Variants in PPARD observed in about 807,000 individuals in gnomAD.
PPARD encodes the protein peroxisome proliferator-activated receptor delta.
Under a neutral mutation model 39.5 loss-of-function variants are expected in PPARD, and 6 were observed. That is an observed-to-expected ratio of 0.15 (90% CI 0.08 to 0.30). The LOEUF is 0.30. PPARD is among the 10% of genes least tolerant of loss of function. PPARD has a pLI of 1.00. For missense variants in PPARD, 397 were observed against 596.8 expected (o/e 0.67, Z 3.49); for synonymous variants, 210 against 231.3 (o/e 0.91, Z 0.83).
chr6:35,349,666 G>GT (rs1305762432), intron 2 of PPARD, among the ~76,000 whole-genome samples: 52 of 148,456 alleles, frequency 3.5e-4, no homozygotes, highest in South Asian at 1.9e-3. Context: ...GCCTGGCTAA[G>GT]TTTTTTTTTT....
intron 1 of PPARD, among the ~76,000 whole-genome samples, chr6:35,343,730 C>T (rs1203260408): frequency 8.5e-5 from 13 of 152,210 alleles, no homozygotes; most frequent in Admixed American, 8.5e-4. Context: ...GGAGACGGCG[C>T]TGAGCTGGAT....
rs1215803494 is a variant in PPARD, at chr6:35,366,390, G to C, written c.-102+19240G>C. Among the ~76,000 whole-genome samples the C allele has an allele frequency of 6.6e-6, 1 of 151,626 alleles. No homozygotes were observed. The highest frequency in any genetic ancestry group is 1.5e-5 in the Non-Finnish European group (1 of 68,030). Reference sequence around the variant, plus strand: ...CTGAGAACAGTGTGAGCCATGGAAGGTCTTTGAGCAGGAGAATAATGTGAT... The same window carrying C: ...CTGAGAACAGTGTGAGCCATGGAAGCTCTTTGAGCAGGAGAATAATGTGAT... On this transcript the variant is annotated intron_variant, in intron 2 of 7. Transcript: ENST00000360694. This position sits in a 1 kb window ranked among gnomAD's most constrained non-coding sequence, Gnocchi z 4.6.
In PPARD at chr6:35,411,005, G is replaced by A. The variant is rs1270056519; in HGVS notation, c.-83G>A. ...TGCCCAGGCTGATGGGAACCACCCT[G>A]TAGAGGTCCATCTGCGTTCAGACCC... On this transcript the variant is annotated 5_prime_UTR_variant, in exon 3 of 8. Transcript: ENST00000360694. 3.3e-5 allele frequency: 44 copies of A among 1,346,836 alleles called. No homozygotes were observed. The highest frequency in any genetic ancestry group is 2.0e-4 in the Middle Eastern group (1 of 5,070). 83.4% of individuals were successfully genotyped at this position (1,346,836 alleles called of 1,614,324 possible). A position where few individuals can be genotyped will look rare whatever the true frequency, so the allele number is the denominator to read the frequency against.
rs929239050 is a variant in PPARD, at chr6:35,348,805, G to A, written c.-102+1655G>A. ...GAAGGGAATGTGAGGGAGGAAGAAG[G>A]GGGGAGTTTCAGAGACTTCTGAGGT... On this transcript the variant is annotated intron_variant, in intron 2 of 7. Coordinates refer to ENST00000360694, the MANE Select transcript of PPARD (RefSeq NM_006238.5). 4.2e-5 allele frequency: 41 copies of A among 985,284 alleles called. No homozygotes were observed. The African/African-American group carries it at 6.1e-4, about 15-fold the overall frequency. 61.0% of individuals were successfully genotyped at this position (985,284 alleles called of 1,614,324 possible).
chr6:35,409,910 A>G (rs1308188538), intron 2 of PPARD, among the ~76,000 whole-genome samples: 1 of 152,224 alleles, frequency 6.6e-6, no homozygotes, highest in African/African-American at 2.4e-5. Flanking sequence ...GGATGGGACC[A>G]GGCATCTGTC....
At chr6:35,374,316 G>GGGGGGGGGGT (rs1762669568) in intron 2 of PPARD, among the ~76,000 whole-genome samples, 3 of 150,118 alleles carry the variant, frequency 2.0e-5, no homozygotes, top group Admixed American at 6.6e-5. Flanking sequence ...GGTGGGGCGG[G>GGGGGGGGGGT]GGGGTTTAGT....
At position 35,424,269 on chromosome 6, in the gene PPARD, A is replaced by AT; in HGVS notation, c.628-59dup. ...CAACTTCATGGTGCAGGCAAGGGAC[A>AT]TGGGGAGCACAGGGTGGGGGTCTCC... On this transcript the variant is annotated intron_variant, in intron 6 of 7. Coordinates refer to ENST00000360694, the MANE Select transcript of PPARD (RefSeq NM_006238.5). The surrounding 1 kb of genome is among the most constrained non-coding windows in gnomAD (Gnocchi z 7.1). 1 of 1,597,216 alleles carries AT rather than the reference A, an allele frequency of 6.3e-7. No individual in the cohort carries two copies. The highest frequency in any genetic ancestry group is 8.5e-7 in the Non-Finnish European group (1 of 1,169,800).
intron 2 of PPARD, among the ~76,000 whole-genome samples, chr6:35,365,814 T>C (rs564650584): frequency 4.6e-5 from 7 of 151,938 alleles, no homozygotes; most frequent in South Asian, 2.1e-4. Flanking sequence ...CTCTTATTCA[T>C]TGATGAATGT....
intron 2 of PPARD, among the ~76,000 whole-genome samples, chr6:35,393,619 C>T (rs1299704824): frequency 6.6e-6 from 1 of 152,144 alleles, no homozygotes; most frequent in Non-Finnish European, 1.5e-5. Context: ...ATATAAAATC[C>T]AGAAGCTGCT....
chr6:35,418,264 A>G (rs9462082), intron 3 of PPARD, among the ~76,000 whole-genome samples: 132,165 of 152,266 alleles, frequency 0.87, 57,557 homozygotes, highest in African/African-American at 0.92. Flanking sequence ...CTGCACAGGC[A>G]TCCACAAAGG....
rs1762011014 is a variant in PPARD, at chr6:35,363,114, G to A, written c.-102+15964G>A. Reference sequence around the variant, plus strand: ...AAGCAAGGGAGAAAATTGAAGATGGGGTATTTTGTGGGGAACAAGCTATGC... The same window carrying A: ...AAGCAAGGGAGAAAATTGAAGATGGAGTATTTTGTGGGGAACAAGCTATGC... On this transcript the variant is annotated intron_variant, in intron 2 of 7. Coordinates refer to ENST00000360694, the MANE Select transcript of PPARD (RefSeq NM_006238.5). The surrounding 1 kb of genome is among the most constrained non-coding windows in gnomAD (Gnocchi z 4.5). 1.3e-5 allele frequency among the ~76,000 whole-genome samples: 2 copies of A among 152,120 alleles called. No individual in the cohort carries two copies. Among genetic ancestry groups the A allele is most frequent in the Admixed American group, 1.3e-4 (2 of 15,270 alleles).
At chr6:35,350,523 T>C (rs1356354624) in intron 2 of PPARD, among the ~76,000 whole-genome samples, 1 of 152,162 alleles carries the variant, frequency 6.6e-6, no homozygotes, top group East Asian at 1.9e-4. Context: ...CCTCAGTGTA[T>C]GTTCTTGGCA....
intron 1 of PPARD, among the ~76,000 whole-genome samples, chr6:35,346,590 C>G (rs1792198243): frequency 6.6e-6 from 1 of 152,170 alleles, no homozygotes; most frequent in Non-Finnish European, 1.5e-5. Context: ...TTGGAGCTTG[C>G]CTTGAGCCTG....
chr6:35,398,026 G>T (rs1474571293), intron 2 of PPARD, among the ~76,000 whole-genome samples: 1 of 152,192 alleles, frequency 6.6e-6, no homozygotes, highest in Non-Finnish European at 1.5e-5. Context: ...AGGAGGCCGT[G>T]TGCCTGGTAC....
At chr6:35,423,797 AC>A in intron 5 of PPARD, 148 bp from the exon 6 acceptor site, 1 of 654,004 alleles carries the variant, frequency 1.5e-6, no homozygotes, top group East Asian at 2.8e-5. Flanking sequence ...TGGAGGGGCC[AC>A]CCCATCATTC....
intron 2 of PPARD, among the ~76,000 whole-genome samples, chr6:35,360,620 T>C (rs1384681504): frequency 1.3e-5 from 2 of 152,226 alleles, no homozygotes; most frequent in African/African-American, 4.8e-5. Context: ...TGCAAATAGT[T>C]ATGCAAGTGT....
rs534769921 is a variant in PPARD, at chr6:35,414,204, A to G, written c.130+2987A>G. On this transcript the variant is annotated intron_variant, in intron 3 of 7. Transcript: ENST00000360694. ...ATTGAAAAGGATAAGGCTGGTTTAT[A>G]TATATATTAAATAAGTTCCTGACAA... is the stretch of plus-strand genomic sequence containing the variant. 3.9e-5 allele frequency among the ~76,000 whole-genome samples: 6 copies of G among 152,252 alleles called. No homozygotes were observed. In the South Asian group the frequency reaches 1.2e-3, roughly 32 times the overall value.
At chr6:35,393,670 A>G (rs1195027566) in intron 2 of PPARD, among the ~76,000 whole-genome samples, 1 of 152,142 alleles carries the variant, frequency 6.6e-6, no homozygotes, top group African/African-American at 2.4e-5. Context: ...AGCATGGGCC[A>G]ATTTTCTGAA....
intron 2 of PPARD, among the ~76,000 whole-genome samples, chr6:35,405,999 T>A (rs1765024214): frequency 1.3e-5 from 2 of 151,388 alleles, no homozygotes; most frequent in South Asian, 4.2e-4. Flanking sequence ...CGATCTTGGC[T>A]CACTGAAACC....
Sources: gnomAD v4.1 joint callset for allele counts (sites outside exome capture counted in the v4.1 genomes callset) on GRCh38, gnomAD v4.1.1 for gene constraint, Gnocchi (gnomAD v3.1) non-coding constraint, MANE v1.5 for transcripts, NCBI Gene and HGNC (gene_info 2026-07-23, HGNC 2026-07-21) for gene names.